The following GPC5 variants were observed in gnomAD, a reference collection of about 807,000 sequenced individuals.
GPC5 encodes glypican-5.
In GPC5, 47 loss-of-function variants were observed where a neutral mutation model predicts 53.9. That is an observed-to-expected ratio of 0.87 (90% CI 0.69 to 1.11). The LOEUF (loss-of-function observed/expected upper bound fraction) is 1.11, where lower values mean the gene tolerates loss of function less well. GPC5 is among the 50% of genes most tolerant of loss of function. The pLI, the probability that GPC5 is intolerant of heterozygous loss-of-function variation, is 0.00. For synonymous variants in GPC5, 286 were observed against 263.3 expected, an observed-to-expected ratio of 1.09 and a Z score of -0.84; for missense variants, 748 against 713.1, an observed-to-expected ratio of 1.05 and a Z score of -0.56.
chr13:91,614,025 G>T (rs981036651), intron 2 of GPC5, among the ~76,000 whole-genome samples: 1 of 152,194 alleles, frequency 6.6e-6, no homozygotes, highest in Non-Finnish European at 1.5e-5. Context: ...AGTGGATATC[G>T]AATACCATAT....
chr13:92,476,693 A>C (rs1594234760), intron 7 of GPC5, among the ~76,000 whole-genome samples: 1 of 149,314 alleles, frequency 6.7e-6, no homozygotes, highest in Non-Finnish European at 1.5e-5. Context: ...GCGCATATAC[A>C]CCATGGAATA....
At chr13:92,518,843 A>G (rs879270659) in intron 7 of GPC5, among the ~76,000 whole-genome samples, 6 of 152,216 alleles carry the variant, frequency 3.9e-5, no homozygotes, top group Non-Finnish European at 8.8e-5. Context: ...CAAATTGGAT[A>G]AAGAGTCAAG....
chr13:92,604,355 TACTC>T (rs1187808503), intron 7 of GPC5, among the ~76,000 whole-genome samples: 1 of 152,162 alleles, frequency 6.6e-6, no homozygotes, highest in African/African-American at 2.4e-5. Flanking sequence ...TATTTGTAAA[TACTC>T]AATAAATGTT....
intron 7 of GPC5, among the ~76,000 whole-genome samples, chr13:92,505,850 G>C (rs970589850): frequency 2.0e-5 from 3 of 152,084 alleles, no homozygotes; most frequent in Non-Finnish European, 4.4e-5. Flanking sequence ...AGTGAAAGAA[G>C]CCAGTATCAA....
chr13:92,222,280 CTAAA>C (rs2042455295), intron 7 of GPC5, among the ~76,000 whole-genome samples: 1 of 152,142 alleles, frequency 6.6e-6, no homozygotes, highest in South Asian at 2.1e-4. Context: ...AAAAATAACA[CTAAA>C]TAACTGGTTA....
At chr13:92,034,499 A>G (rs779959846) in intron 6 of GPC5, among the ~76,000 whole-genome samples, 23 of 152,166 alleles carry the variant, frequency 1.5e-4, no homozygotes, top group Non-Finnish European at 2.8e-4. Context: ...ACTCCATCTC[A>G]AAATAAAATT....
At chr13:92,319,288 T>C (rs908715857) in intron 7 of GPC5, among the ~76,000 whole-genome samples, 7 of 152,052 alleles carry the variant, frequency 4.6e-5, no homozygotes, top group Non-Finnish European at 8.8e-5. Flanking sequence ...TAAATATACA[T>C]GTATTTTACA....
At chr13:92,287,187 A>G (rs1488641571) in intron 7 of GPC5, among the ~76,000 whole-genome samples, 1 of 152,148 alleles carries the variant, frequency 6.6e-6, no homozygotes, top group African/African-American at 2.4e-5. Flanking sequence ...CTAGTTTTTT[A>G]CAGTTTTGCT....
intron 7 of GPC5, among the ~76,000 whole-genome samples, chr13:92,294,398 G>A (rs1019515585): frequency 1.3e-5 from 2 of 151,894 alleles, no homozygotes; most frequent in Non-Finnish European, 2.9e-5. Flanking sequence ...GTCTGTTCAG[G>A]GTATCTAATT....
intron 6 of GPC5, among the ~76,000 whole-genome samples, chr13:92,071,355 A>T (rs2041209724): frequency 6.6e-6 from 1 of 152,200 alleles, no homozygotes; most frequent in Admixed American, 6.5e-5. Flanking sequence ...CTTGAATTTT[A>T]GTTTTTGAAT....
At chr13:92,048,609 A>C (rs545934688) in intron 6 of GPC5, among the ~76,000 whole-genome samples, 1 of 152,338 alleles carries the variant, frequency 6.6e-6, no homozygotes, top group Non-Finnish European at 1.5e-5. Flanking sequence ...TACATGGCAG[A>C]GTTTCTGTTC....
intron 7 of GPC5, among the ~76,000 whole-genome samples, chr13:92,843,671 C>T (rs967048325): frequency 4.6e-5 from 7 of 152,074 alleles, no homozygotes; most frequent in Non-Finnish European, 7.4e-5. Context: ...AGAAAGGTTT[C>T]GTGGTTCATT....
At chr13:92,616,941 T>TA (rs1282410439) in intron 7 of GPC5, among the ~76,000 whole-genome samples, 5 of 151,760 alleles carry the variant, frequency 3.3e-5, no homozygotes, top group Non-Finnish European at 7.4e-5. Context: ...AAGGAAAAAA[T>TA]AAAAAATATT....
At chr13:92,466,726 C>T (rs1286384837) in intron 7 of GPC5, among the ~76,000 whole-genome samples, 1 of 152,008 alleles carries the variant, frequency 6.6e-6, no homozygotes, top group Non-Finnish European at 1.5e-5. Context: ...TGGTAAATCA[C>T]TTCATGAGGT....
intron 6 of GPC5, among the ~76,000 whole-genome samples, chr13:91,908,916 C>T (rs1399392270): frequency 6.6e-6 from 1 of 152,070 alleles, no homozygotes; most frequent in Non-Finnish European, 1.5e-5. Context: ...GTTTTTATTG[C>T]ATACAACATA....
intron 5 of GPC5, among the ~76,000 whole-genome samples, chr13:91,880,619 G>A (rs1369111982): frequency 6.6e-6 from 1 of 151,956 alleles, no homozygotes; most frequent in Non-Finnish European, 1.5e-5. Context: ...TTTTGGGAAC[G>A]CCATATGCCT....
chr13:92,081,284 T>G (rs2041293402), intron 6 of GPC5, among the ~76,000 whole-genome samples: 1 of 152,040 alleles, frequency 6.6e-6, no homozygotes. Flanking sequence ...CTAGTTTCAA[T>G]AAGAATGGGG....
At chr13:91,582,917 C>A (rs2032420791) in intron 2 of GPC5, among the ~76,000 whole-genome samples, 1 of 152,082 alleles carries the variant, frequency 6.6e-6, no homozygotes, top group African/African-American at 2.4e-5. Context: ...AGGAGAATTG[C>A]TTGAACTGGG....
At chr13:91,712,875 G>A (rs1342254268) in intron 3 of GPC5, among the ~76,000 whole-genome samples, 1 of 151,620 alleles carries the variant, frequency 6.6e-6, no homozygotes, top group Non-Finnish European at 1.5e-5. Flanking sequence ...AAATGTAAGA[G>A]ATGGATGAAT....
Sources: allele counts gnomAD v4.1 joint callset (sites outside exome capture counted in the v4.1 genomes callset), GRCh38; gene constraint gnomAD v4.1.1; transcripts MANE v1.5; gene names NCBI Gene and HGNC (gene_info 2026-07-23, HGNC 2026-07-21).